CD300E: variants seen among roughly 807,000 people sequenced by gnomAD.
CD300E encodes the protein CD300e molecule.
A neutral mutation model predicts 20.9 loss-of-function variants in CD300E; 14 were observed. The observed-to-expected ratio is 0.67, with a 90% CI of 0.44 to 1.05. CD300E has a LOEUF of 1.05. CD300E is among the 50% of genes least tolerant of loss of function. The pLI is 0.00. For synonymous variants in CD300E, 102 were observed against 103.7 expected (o/e 0.98, Z 0.10); for missense variants, 237 against 253.9 (o/e 0.93, Z 0.45).
chr17:74,623,453 G>T, intron 1 of CD300E, 129 bp downstream of exon 1: 1 of 825,658 alleles, frequency 1.2e-6, no homozygotes, highest in Non-Finnish European at 2.0e-6. Context: ...AGGATGCACA[G>T]GTGAATGAAC....
intron 1 of CD300E, among the ~76,000 whole-genome samples, chr17:74,623,230 C>T (rs2031058433): frequency 6.6e-6 from 1 of 152,216 alleles, no homozygotes; most frequent in African/African-American, 2.4e-5. Flanking sequence ...ACATCTCCCA[C>T]CCTTCCAAGA....
intron 2 of CD300E, among the ~76,000 whole-genome samples, chr17:74,616,601 AGTCATAGGGCG>A (rs2030906172): frequency 1.3e-5 from 2 of 152,246 alleles, no homozygotes; most frequent in African/African-American, 4.8e-5. Context: ...GCAGGTGGAA[AGTCATAGGGCG>A]GAAGTTGTGA....
intron 1 of CD300E, among the ~76,000 whole-genome samples, chr17:74,618,309 CTTTG>C (rs1568035345): frequency 6.6e-6 from 1 of 152,148 alleles, no homozygotes; most frequent in East Asian, 1.9e-4. Flanking sequence ...TGACAAGAGG[CTTTG>C]TTTGAACTTG....
Position 74,614,021 on chromosome 17 carries a change from G to A in CD300E, c.401C>T (p.Pro134Leu). 7 of 1,613,742 alleles carry A rather than the reference G, an allele frequency of 4.3e-6. No individual in the cohort carries two copies. The highest frequency in any genetic ancestry group is 5.1e-6 in the Non-Finnish European group (6 of 1,179,762). ...TGTGGCTGGATGTGTGGTCCTCCTT[G>A]GGGTTGTAATTGCTGTTGGAGATGA... is the stretch of plus-strand genomic sequence containing the variant. ...RVYVSPAITT[P>L]RRTTHPATPP... is the part of the protein sequence containing the mutation. Residue 134 changes from proline (P) to leucine (L), a missense_variant, in exon 3 of 4, where the codon CCA becomes CTA. Pro to Leu is a moderately conservative substitution (Grantham distance 98, BLOSUM62 -3). Coordinates refer to ENST00000392619, the MANE Select transcript of CD300E (RefSeq NM_181449.3).
intron 1 of CD300E, among the ~76,000 whole-genome samples, chr17:74,623,223 T>A (rs1433354730): frequency 1.3e-5 from 2 of 152,186 alleles, no homozygotes; most frequent in African/African-American, 4.8e-5. Context: ...CTCAGTGACA[T>A]CTCCCACCCT....
chr17:74,612,247 GTC>G lies in CD300E; in HGVS notation c.*404_*405del, dbSNP rs148872036. 0.031 allele frequency: 3,146 copies of G among 102,664 alleles called. 44 individuals are homozygous for G. The highest frequency in any genetic ancestry group is 0.048 in the Non-Finnish European group (2,314 of 47,770). The allele number at this position is 102,664 out of a possible 1,614,324, so 6.4% of individuals were successfully genotyped here. A position where few individuals can be genotyped will look rare whatever the true frequency, so the allele number is the denominator to read the frequency against. On this transcript the variant is annotated 3_prime_UTR_variant, in exon 4 of 4. Coordinates refer to ENST00000392619, the MANE Select transcript of CD300E (RefSeq NM_181449.3). ...TCGCTCTCTCTCTCTCTCTCTCTCT[GTC>G]TCTCTCTCTCTCTCTCTCTCTCTCT...
chr17:74,612,856 A>C, intron 3 of CD300E, 83 bp from the exon 4 acceptor site: 1 of 1,550,104 alleles, frequency 6.5e-7, no homozygotes. Context: ...CCATGCTCTG[A>C]CTCTGGAGCC....
rs964471334 is a variant in CD300E at position 74,612,562 on chromosome 17, A to G, written c.*91T>C. On this transcript the variant is annotated 3_prime_UTR_variant, in exon 4 of 4. Coordinates refer to ENST00000392619, the MANE Select transcript of CD300E (RefSeq NM_181449.3). ...GGAACAATAAATCCCTCCAGAGTCC[A>G]CAGGTCTCTCGCATCCAGTCTGAAA... 2.0e-6 allele frequency: 3 copies of G among 1,509,908 alleles called. No individual in the cohort carries two copies. The highest frequency in any genetic ancestry group is 1.8e-5 in the Admixed American group (1 of 54,398). 93.5% of individuals were successfully genotyped at this position (1,509,908 alleles called of 1,614,324 possible). A position where few individuals can be genotyped will look rare whatever the true frequency, so the allele number is the denominator to read the frequency against.
At position 74,612,261 on chromosome 17, in the gene CD300E, C is replaced by G. The variant is rs1266844774; in HGVS notation, c.*392G>C. Reference sequence around the variant, plus strand: ...TCTCTCTCTCTGTCTCTCTCTCTCTCTCTCTCTCTCTCTCTCTGAGACAGG... The same window carrying G: ...TCTCTCTCTCTGTCTCTCTCTCTCTGTCTCTCTCTCTCTCTCTGAGACAGG... On this transcript the variant is annotated 3_prime_UTR_variant, in exon 4 of 4. Coordinates refer to ENST00000392619, the MANE Select transcript of CD300E (RefSeq NM_181449.3). The G allele has an allele frequency of 8.2e-5, 13 of 157,590 alleles. No individual in the cohort carries two copies. The highest frequency in any genetic ancestry group is 5.7e-4 in the South Asian group (3 of 5,240). The allele number at this position is 157,590 out of a possible 1,614,324, so 9.8% of individuals were successfully genotyped here. A position where few individuals can be genotyped will look rare whatever the true frequency, so the allele number is the denominator to read the frequency against.
intron 3 of CD300E, 30 bp downstream of exon 3, chr17:74,613,895 C>G: frequency 3.2e-6 from 5 of 1,544,616 alleles, no homozygotes; most frequent in Non-Finnish European, 4.5e-6. Flanking sequence ...GGGTTGCTCC[C>G]TCCATGGCCT....
At chr17:74,623,360 A>C (rs2031061609) in intron 1 of CD300E, among the ~76,000 whole-genome samples, 2 of 152,240 alleles carry the variant, frequency 1.3e-5, no homozygotes, top group Admixed American at 1.3e-4. Context: ...ACTCTTAATT[A>C]CAGCACCCAG....
At chr17:74,617,021 G>C in intron 2 of CD300E, 97 bp downstream of exon 2, 1 of 1,048,836 alleles carries the variant, frequency 9.5e-7, no homozygotes, top group Non-Finnish European at 1.5e-6. Flanking sequence ...CTGAGGACAA[G>C]ACAAGACTTG....
intron 3 of CD300E, 125 bp from the exon 4 acceptor site, chr17:74,612,898 C>T (rs1313945896): frequency 2.5e-5 from 34 of 1,346,450 alleles, no homozygotes; most frequent in Non-Finnish European, 3.2e-5. Flanking sequence ...GGGAAAGGAC[C>T]TATGCCAGGG....
At chr17:74,619,072 C>G (rs1410680550) in intron 1 of CD300E, 1 of 471,290 alleles carries the variant, frequency 2.1e-6, no homozygotes, top group Non-Finnish European at 4.4e-6. Context: ...CACACCCCTC[C>G]TGAGATTTGA....
chr17:74,621,933 A>C (rs1187056061), intron 1 of CD300E, among the ~76,000 whole-genome samples: 1 of 152,114 alleles, frequency 6.6e-6, no homozygotes, highest in East Asian at 1.9e-4. Context: ...AAAATGTGTA[A>C]TAAATAGAAT....
intron 1 of CD300E, 71 bp downstream of exon 1, chr17:74,623,511 C>T (rs1289751089): frequency 6.7e-7 from 1 of 1,501,026 alleles, no homozygotes; most frequent in Non-Finnish European, 9.2e-7. Flanking sequence ...TGGTTTGAAC[C>T]CAGGACAGCT....
chr17:74,613,015 C>T (rs2030818744), intron 3 of CD300E, among the ~76,000 whole-genome samples: 2 of 152,202 alleles, frequency 1.3e-5, no homozygotes, highest in Non-Finnish European at 2.9e-5. Flanking sequence ...GGACCCACTT[C>T]CAGGAGTGCG....
In CD300E at chr17:74,610,065, C is replaced by T. The variant is rs766571802; in HGVS notation, c.*2588G>A. On this transcript the variant is annotated 3_prime_UTR_variant, in exon 4 of 4. Coordinates refer to ENST00000392619, the MANE Select transcript of CD300E (RefSeq NM_181449.3). Reference sequence around the variant, plus strand: ...CTCTTTCTTAACTCTTCTCTTCTGGCTTCTGCTGTCATTGCTCTGTTGATC... The same window carrying T: ...CTCTTTCTTAACTCTTCTCTTCTGGTTTCTGCTGTCATTGCTCTGTTGATC... 6.6e-6 allele frequency: 1 copy of T among 152,318 alleles called. No homozygotes were observed. Among genetic ancestry groups the T allele is most frequent in the Non-Finnish European group, 1.5e-5 (1 of 68,046 alleles). 9.4% of individuals were successfully genotyped at this position (152,318 alleles called of 1,614,324 possible).
intron 1 of CD300E, among the ~76,000 whole-genome samples, chr17:74,621,930 G>A (rs1447981461): frequency 6.6e-6 from 1 of 152,068 alleles, no homozygotes; most frequent in Non-Finnish European, 1.5e-5. Flanking sequence ...ATAAAAATGT[G>A]TAATAAATAG....
Sources: allele counts gnomAD v4.1 joint callset (sites outside exome capture counted in the v4.1 genomes callset), GRCh38; gene constraint gnomAD v4.1.1; transcripts MANE v1.5; gene names NCBI Gene and HGNC (gene_info 2026-07-23, HGNC 2026-07-21).